Variants in ARFGEF3 observed in about 807,000 individuals in gnomAD.
ARFGEF3 encodes ARFGEF family member 3.
Under a neutral mutation model 221.7 loss-of-function variants are expected in ARFGEF3, and 96 were observed. The ratio of observed to expected loss-of-function variants is 0.43; its 90% CI spans 0.37 to 0.51. The LOEUF is 0.51. Ranked by LOEUF, ARFGEF3 falls within the 20% of genes least tolerant of loss-of-function variation. The probability of loss-of-function intolerance (pLI) is 0.00; values close to 1 mark genes in which losing one functional copy is unlikely to be tolerated. For synonymous variants in ARFGEF3, 1,145 were observed against 1,126.8 expected (o/e 1.02, Z -0.32); for missense variants, 2,410 against 2,789.9 (o/e 0.86, Z 3.07).
Position 138,209,902 on chromosome 6 carries a change from C to T in ARFGEF3, c.220-8C>T, listed in dbSNP as rs1777691550. ...TATCTGTGATCACTGCCTTGTGCCT[C>T]TTTACAGAAGCTTCTGTCGGAAGAG... On this transcript the variant is annotated splice_region_variant and splice_polypyrimidine_tract_variant and intron_variant, in intron 3 of 33. Transcript: ENST00000251691. 1 of 1,613,252 alleles carries T rather than the reference C, an allele frequency of 6.2e-7. No homozygotes were observed. The highest frequency in any genetic ancestry group is 8.5e-7 in the Non-Finnish European group (1 of 1,179,480).
intron 32 of ARFGEF3, among the ~76,000 whole-genome samples, chr6:138,329,666 AAACC>A (rs1163193988): frequency 6.6e-6 from 1 of 152,174 alleles, no homozygotes; most frequent in African/African-American, 2.4e-5. Context: ...TCTGTCTCAA[AAACC>A]AAACAAACAA....
chr6:138,178,490 T>G (rs1777000320), intron 2 of ARFGEF3, among the ~76,000 whole-genome samples: 1 of 152,182 alleles, frequency 6.6e-6, no homozygotes, highest in Non-Finnish European at 1.5e-5. Flanking sequence ...CTTCCTTAAT[T>G]TCCTAGGTAG....
chr6:138,207,522 GT>G (rs1777646366), intron 3 of ARFGEF3, among the ~76,000 whole-genome samples: 1 of 152,090 alleles, frequency 6.6e-6, no homozygotes, highest in East Asian at 1.9e-4. Flanking sequence ...GAAAGATTTT[GT>G]TTTGTTTTTT....
At chr6:138,295,108 A>G (rs930749438) in intron 20 of ARFGEF3, among the ~76,000 whole-genome samples, 1 of 152,120 alleles carries the variant, frequency 6.6e-6, no homozygotes, top group Non-Finnish European at 1.5e-5. Flanking sequence ...GCATTGGAGA[A>G]AACAGTAGAC....
chr6:138,264,953 G>T (rs981707263), intron 12 of ARFGEF3, among the ~76,000 whole-genome samples: 7 of 150,160 alleles, frequency 4.7e-5, no homozygotes, highest in Non-Finnish European at 8.9e-5. Flanking sequence ...ACCCAGGCTG[G>T]AGTCCAGTGG....
At chr6:138,238,732 AG>A in intron 6 of ARFGEF3, 101 bp downstream of exon 6, 1 of 1,088,258 alleles carries the variant, frequency 9.2e-7, no homozygotes. Context: ...TCCTGAAAAC[AG>A]TAGGAAGAGC....
intron 4 of ARFGEF3, among the ~76,000 whole-genome samples, chr6:138,219,082 A>G (rs1186531669): frequency 6.6e-6 from 1 of 152,236 alleles, no homozygotes; most frequent in Non-Finnish European, 1.5e-5. Context: ...GCCAATTACC[A>G]CAATTCAAGG....
At position 138,335,257 on chromosome 6, in the gene ARFGEF3, C is replaced by T. The variant is rs1780302493; in HGVS notation, c.6342+69C>T. Reference sequence around the variant, plus strand: ...CCAGTACTGGATGGGCCCCCCCTTGCAGAGCAGGCATACACAGGCTAAGAT... The same window carrying T: ...CCAGTACTGGATGGGCCCCCCCTTGTAGAGCAGGCATACACAGGCTAAGAT... On this transcript the variant is annotated intron_variant, in intron 33 of 33. Transcript: ENST00000251691. 2.8e-6 allele frequency: 4 copies of T among 1,420,086 alleles called. No homozygotes were observed. In the East Asian group the frequency reaches 7.2e-5, roughly 26 times the overall value. 88.0% of individuals were successfully genotyped at this position (1,420,086 alleles called of 1,614,324 possible).
chr6:138,169,543 G>A (rs1479521995), intron 1 of ARFGEF3, among the ~76,000 whole-genome samples: 1 of 152,136 alleles, frequency 6.6e-6, no homozygotes, highest in East Asian at 1.9e-4. Flanking sequence ...GCTCATCCTG[G>A]GTGCCAGTCC....
chr6:138,224,027 G>A (rs1390304059), intron 4 of ARFGEF3, among the ~76,000 whole-genome samples: 1 of 152,224 alleles, frequency 6.6e-6, no homozygotes, highest in Non-Finnish European at 1.5e-5. Context: ...ATGAATAGGA[G>A]CCTGAATAAT....
At chr6:138,198,520 T>C (rs890609492) in intron 2 of ARFGEF3, among the ~76,000 whole-genome samples, 1 of 152,228 alleles carries the variant, frequency 6.6e-6, no homozygotes, top group Non-Finnish European at 1.5e-5. Context: ...AATTCATCAA[T>C]GTTGGTGTAA....
At chr6:138,184,761 TAAAG>T (rs1289690516) in intron 2 of ARFGEF3, among the ~76,000 whole-genome samples, 1 of 152,202 alleles carries the variant, frequency 6.6e-6, no homozygotes, top group African/African-American at 2.4e-5. Context: ...CTTACAGACT[TAAAG>T]AAATTTCTTT....
intron 27 of ARFGEF3, among the ~76,000 whole-genome samples, chr6:138,317,760 G>A (rs1435014674): frequency 6.6e-6 from 1 of 152,164 alleles, no homozygotes; most frequent in African/African-American, 2.4e-5. Flanking sequence ...CCCTTGGGCT[G>A]TTGGTTGGGC....
At chr6:138,228,763 G>T (rs1778138421) in intron 4 of ARFGEF3, among the ~76,000 whole-genome samples, 1 of 152,212 alleles carries the variant, frequency 6.6e-6, no homozygotes, top group African/African-American at 2.4e-5. Flanking sequence ...AATTTGCTAG[G>T]CTTCCATGCT....
At position 138,262,958 on chromosome 6, in the gene ARFGEF3, C is replaced by T. The variant is rs144367852; in HGVS notation, c.1475C>T (p.Pro492Leu). 7 of 1,600,308 alleles carry T rather than the reference C, an allele frequency of 4.4e-6. No individual in the cohort carries two copies. The highest frequency in any genetic ancestry group is 2.3e-5 in the East Asian group (1 of 44,130). Residue 492 changes from proline to leucine, a missense_variant, in exon 12 of 34, where the codon CCG becomes CTG. By Grantham distance (98) the Pro-to-Leu change is moderately conservative. Transcript: ENST00000251691. Reference protein sequence around the residue: ...QRRVLSSEHTPWESGNERSLD... With the variant: ...QRRVLSSEHTLWESGNERSLD... The stretch of plus-strand genomic sequence containing the variant: ...CGAGTGCTGTCCTCAGAACACACGC[C>T]GTGGGAGTCAGGGAACGAGAGGAGC...
intron 6 of ARFGEF3, among the ~76,000 whole-genome samples, chr6:138,238,979 A>G (rs1778344175): frequency 6.6e-6 from 1 of 152,238 alleles, no homozygotes; most frequent in South Asian, 2.1e-4. Flanking sequence ...AAAAATGAAT[A>G]GAATTTATTA....
chr6:138,286,704 T>C lies in ARFGEF3; in HGVS notation c.2573T>C (p.Val858Ala), dbSNP rs1377745995. ...CACACACCCCTCCATGTTCCAGGCG[T>C]GGCATTTGCTCGCTATATTCTGGTG... ...RRIDDSTVAGVAFARYILVGC... is the reference protein window; with the variant it reads ...RRIDDSTVAGAAFARYILVGC... Residue 858 changes from valine (V) to alanine (A), a missense_variant, in exon 16 of 34, where the codon GTG becomes GCG. Val to Ala is a moderately conservative substitution (Grantham distance 64). Coordinates refer to ENST00000251691, the MANE Select transcript of ARFGEF3 (RefSeq NM_020340.5). 8 of 1,613,970 alleles carry C rather than the reference T, an allele frequency of 5.0e-6. No homozygotes were observed. The highest frequency in any genetic ancestry group is 6.8e-6 in the Non-Finnish European group (8 of 1,179,850).
At chr6:138,321,884 C>T (rs7744903) in intron 29 of ARFGEF3, among the ~76,000 whole-genome samples, 3,771 of 150,590 alleles carry the variant, frequency 0.025, 144 homozygotes, top group African/African-American at 0.089. Flanking sequence ...AGAAAAAGAG[C>T]TTTAATGGAC....
At chr6:138,262,577 T>C in intron 11 of ARFGEF3, 124 bp from the exon 12 acceptor site, 5 of 970,586 alleles carry the variant, frequency 5.2e-6, no homozygotes, top group Non-Finnish European at 6.1e-6. Flanking sequence ...CATTTTGTTT[T>C]ATTCAAATCA....
Sources: gnomAD v4.1 joint callset for allele counts (sites outside exome capture counted in the v4.1 genomes callset) on GRCh38, gnomAD v4.1.1 for gene constraint, MANE v1.5 for transcripts, NCBI Gene and HGNC (gene_info 2026-07-23, HGNC 2026-07-21) for gene names.